Variants in HSPG2 observed in about 807,000 individuals in gnomAD.
HSPG2 encodes the protein basement membrane-specific heparan sulfate proteoglycan core protein.
A neutral mutation model predicts 526.6 loss-of-function variants in HSPG2; 278 were observed. The observed-to-expected ratio is 0.53, with a 90% CI of 0.48 to 0.58. HSPG2 has a LOEUF of 0.58. HSPG2 is among the 20% of genes least tolerant of loss of function. The probability of loss-of-function intolerance (pLI) is 0.00; values close to 1 mark genes in which losing one functional copy is unlikely to be tolerated. For missense variants in HSPG2, 5,354 were observed against 6,099.5 expected, an observed-to-expected ratio of 0.88 and a Z score of 4.07; for synonymous variants, 2,465 against 2,555.4, an observed-to-expected ratio of 0.96 and a Z score of 1.07.
Position 21,890,543 on chromosome 1 carries a change from C to T in HSPG2, c.354+42G>A. The T allele has an allele frequency of 2.5e-6, 4 of 1,608,794 alleles. No individual in the cohort carries two copies. The highest frequency in any genetic ancestry group is 3.4e-6 in the Non-Finnish European group (4 of 1,175,186). ...GGCCTTCACCCCATCCTCGGTCCTG[C>T]CCCGCCACACCCGCGAGCTTCCCAA... is the stretch of plus-strand genomic sequence containing the variant. On this transcript the variant is annotated intron_variant, in intron 4 of 96. Coordinates refer to ENST00000374695, the MANE Select transcript of HSPG2 (RefSeq NM_005529.7). The surrounding 1 kb of genome is among the most constrained non-coding windows in gnomAD (Gnocchi z 4.1).
At chr1:21,871,261 T>TTG (rs1553167757) in intron 33 of HSPG2, among the ~76,000 whole-genome samples, 1 of 143,952 alleles carries the variant, frequency 6.9e-6, no homozygotes, top group Admixed American at 6.9e-5. Context: ...AGTATTTGTT[T>TTG]TTTTTTTTTT....
chr1:21,855,285 G>T lies in HSPG2; in HGVS notation c.5997+19C>A. 6.3e-7 allele frequency: 1 copy of T among 1,595,614 alleles called. No homozygotes were observed. The highest frequency in any genetic ancestry group is 8.5e-7 in the Non-Finnish European group (1 of 1,172,146). ...AGAGCCTGTGGGCCTCCTCCTCCTGGGTGGGCCCATCTCCTCACCTGTGGT... is the reference window on the plus strand; with the variant it reads ...AGAGCCTGTGGGCCTCCTCCTCCTGTGTGGGCCCATCTCCTCACCTGTGGT... On this transcript the variant is annotated intron_variant, in intron 47 of 96. Coordinates refer to ENST00000374695, the MANE Select transcript of HSPG2 (RefSeq NM_005529.7).
At chr1:21,916,691 C>CAAA (rs11401856) in intron 1 of HSPG2, among the ~76,000 whole-genome samples, 4 of 135,134 alleles carry the variant, frequency 3.0e-5, no homozygotes, top group Admixed American at 7.3e-5. Flanking sequence ...GACTCCATCT[C>CAAA]AAAAAAAAAA....
At position 21,859,963 on chromosome 1, in the gene HSPG2, C is replaced by T. The variant is rs1442381853; in HGVS notation, c.5054G>A (p.Arg1685Gln). Residue 1685 changes from arginine (R) to glutamine (Q), a missense_variant, in exon 41 of 97, where the codon CGA (arginine) becomes CAA (glutamine). Transcript: ENST00000374695. The surrounding 1 kb of genome is among the most constrained non-coding windows in gnomAD (Gnocchi z 5.3). ...APLVVEVHPA[R>Q]SIVPQGGSHS... The stretch of plus-strand genomic sequence containing the variant: ...GGAGCCACCTTGGGGCACTATGCTT[C>T]GAGCAGGATGGACCTCGACCACCAG... 10 of 1,610,886 alleles carry T rather than the reference C, an allele frequency of 6.2e-6. No individual in the cohort carries two copies. Among genetic ancestry groups the T allele is most frequent in the Admixed American group, 1.7e-5 (1 of 59,836 alleles).
chr1:21,864,934 T>C lies in HSPG2; in HGVS notation c.4535A>G (p.Glu1512Gly). Residue 1512 changes from glutamate (E) to glycine (G), a missense_variant, in exon 36 of 97, where the codon GAG becomes GGG. Physicochemically the swap from Glu to Gly is moderately conservative, Grantham distance 98 (BLOSUM62 -2). Coordinates refer to ENST00000374695, the MANE Select transcript of HSPG2 (RefSeq NM_005529.7). The surrounding 1 kb of genome is among the most constrained non-coding windows in gnomAD (Gnocchi z 4.8). The part of the protein sequence containing the change: ...LAASISAVSL[E>G]VAQPGPSNRP... Reference sequence around the variant, plus strand: ...GTTTGAGGGCCCCGGCTGGGCGACCTCCAGGCTGACTGCGCTGATGCTGGC... The same window carrying C: ...GTTTGAGGGCCCCGGCTGGGCGACCCCCAGGCTGACTGCGCTGATGCTGGC... 1 of 1,607,036 alleles carries C rather than the reference T, an allele frequency of 6.2e-7. No individual in the cohort carries two copies. The highest frequency in any genetic ancestry group is 8.5e-7 in the Non-Finnish European group (1 of 1,178,270).
Position 21,874,528 on chromosome 1 carries a change from G to A in HSPG2, c.3534C>T (p.Cys1178=), listed in dbSNP as rs974367446. ...ACCGAGGGCCCTCCGTGTGATGCTG[G>A]CAGCCCTGGAGGAGCAGGATGTGAG... ...CEPETGACQG[C]QHHTEGPRCE... Residue 1178 remains cysteine, a synonymous_variant, in exon 28 of 97, where the codon TGC becomes TGT. Coordinates refer to ENST00000374695, the MANE Select transcript of HSPG2 (RefSeq NM_005529.7). 3 of 1,613,696 alleles carry A rather than the reference G, an allele frequency of 1.9e-6. No individual in the cohort carries two copies. The highest frequency in any genetic ancestry group is 2.2e-5 in the South Asian group (2 of 91,072).
Position 21,831,201 on chromosome 1 carries a change from G to A in HSPG2, c.11562+14C>T. On this transcript the variant is annotated intron_variant, in intron 84 of 96. Transcript: ENST00000374695. The stretch of plus-strand genomic sequence containing the variant: ...GGCCACGGCAGCCAGGTGGTGTGTG[G>A]GGTGTGGGGTCACCTGGCAGGGCCG... 6.2e-7 allele frequency: 1 copy of A among 1,609,754 alleles called. No homozygotes were observed. The highest frequency in any genetic ancestry group is 8.5e-7 in the Non-Finnish European group (1 of 1,176,186).
rs527726646 is a variant in HSPG2 at position 21,859,654 on chromosome 1, G to C, written c.5205C>G (p.Ser1735Arg). The C allele has an allele frequency of 2.5e-6, 4 of 1,608,662 alleles. No individual in the cohort carries two copies. The highest frequency in any genetic ancestry group is 1.1e-5 in the South Asian group (1 of 89,958). ...RHQGSELHFP[S>R]VQPSDAGVYI... The stretch of plus-strand genomic sequence containing the variant: ...AGACCCCAGCATCCGAGGGCTGGAC[G>C]CTGGGGAAGTGGAGCTCGGAGCCTG... Residue 1735 changes from serine to arginine, a missense_variant, in exon 42 of 97, where the codon AGC (serine) becomes AGG (arginine). By Grantham distance (110) the Ser-to-Arg change is moderately radical. Coordinates refer to ENST00000374695, the MANE Select transcript of HSPG2 (RefSeq NM_005529.7). This position sits in a 1 kb window ranked among gnomAD's most constrained non-coding sequence, Gnocchi z 5.3.
intron 1 of HSPG2, among the ~76,000 whole-genome samples, chr1:21,923,545 C>T (rs1644103867): frequency 6.6e-6 from 1 of 152,226 alleles, no homozygotes; most frequent in Non-Finnish European, 1.5e-5. Context: ...CCTGCCCTCA[C>T]CCAGGGGAGC....
intron 1 of HSPG2, among the ~76,000 whole-genome samples, chr1:21,903,688 G>A (rs1474450456): frequency 1.3e-5 from 2 of 152,228 alleles, no homozygotes; most frequent in Non-Finnish European, 2.9e-5. Context: ...GGGCTACTGG[G>A]AGAGGCATGT....
chr1:21,857,513 C>A (rs748115866), intron 42 of HSPG2, 128 bp from the exon 43 acceptor site: 2 of 825,096 alleles, frequency 2.4e-6, no homozygotes, highest in South Asian at 1.5e-5. Flanking sequence ...CATTCTACCC[C>A]CTGGCACCTC....
At chr1:21,845,673 C>G (rs987837366) in intron 64 of HSPG2, among the ~76,000 whole-genome samples, 1 of 152,162 alleles carries the variant, frequency 6.6e-6, no homozygotes, top group African/African-American at 2.4e-5. Context: ...GCTACCACAC[C>G]GGCTCTAATA....
intron 1 of HSPG2, among the ~76,000 whole-genome samples, chr1:21,921,730 T>A (rs1644044618): frequency 6.6e-6 from 1 of 152,156 alleles, no homozygotes; most frequent in Admixed American, 6.5e-5. Flanking sequence ...CTACTGAGTG[T>A]GTCCTGGGGC....
intron 65 of HSPG2, among the ~76,000 whole-genome samples, chr1:21,843,674 T>C (rs2098059006): frequency 6.6e-6 from 1 of 152,036 alleles, no homozygotes; most frequent in African/African-American, 2.4e-5. Flanking sequence ...TGAGACAGTG[T>C]CTCGCTCTGT....
intron 48 of HSPG2, 28 bp from the exon 49 acceptor site, chr1:21,854,793 C>T (rs763539485): frequency 1.2e-6 from 2 of 1,613,004 alleles, no homozygotes; most frequent in South Asian, 1.1e-5. Flanking sequence ...GTCAGCAGGC[C>T]CCAGGGGAGC....
chr1:21,929,745 T>A (rs570717184), intron 1 of HSPG2, among the ~76,000 whole-genome samples: 1 of 152,276 alleles, frequency 6.6e-6, no homozygotes, highest in East Asian at 1.9e-4. Context: ...TTCGGGATGC[T>A]GAAGCCAAAG....
At chr1:21,891,507 G>A (rs1421628129) in intron 3 of HSPG2, among the ~76,000 whole-genome samples, 2 of 152,194 alleles carry the variant, frequency 1.3e-5, no homozygotes, top group South Asian at 2.1e-4. Flanking sequence ...TTTCATTCAC[G>A]CCCGCATCCC....
At chr1:21,919,302 T>C (rs1174268624) in intron 1 of HSPG2, among the ~76,000 whole-genome samples, 1 of 152,010 alleles carries the variant, frequency 6.6e-6, no homozygotes, top group Non-Finnish European at 1.5e-5. Context: ...GGTGTGCACC[T>C]GTAATCCCAG....
At position 21,848,893 on chromosome 1, in the gene HSPG2, A is replaced by C. The variant is rs765735879; in HGVS notation, c.7585T>G (p.Ser2529Ala). Residue 2529 changes from serine (S) to alanine (A), a missense_variant and splice_region_variant, in exon 58 of 97, where the codon TCC becomes GCC. Coordinates refer to ENST00000374695, the MANE Select transcript of HSPG2 (RefSeq NM_005529.7). This position sits in a 1 kb window ranked among gnomAD's most constrained non-coding sequence, Gnocchi z 4.9. ...TTTGCATGACCCCCGAGACACTCAC[A>C]GTGGGAGCCACTAAGGCGCTGCTGG... The part of the protein sequence containing the change: ...TIQQRLSGSH[S>A]QGVAYPVRIE... The C allele has an allele frequency of 1.2e-6, 2 of 1,613,696 alleles. No homozygotes were observed. Among genetic ancestry groups the C allele is most frequent in the Non-Finnish European group, 1.7e-6 (2 of 1,179,984 alleles).
Sources: allele counts gnomAD v4.1 joint callset (sites outside exome capture counted in the v4.1 genomes callset), GRCh38; gene constraint gnomAD v4.1.1; non-coding constraint Gnocchi (gnomAD v3.1); transcripts MANE v1.5; gene names NCBI Gene and HGNC (gene_info 2026-07-23, HGNC 2026-07-21).